Variants in NR5A2 observed in about 807,000 individuals in gnomAD.
NR5A2 encodes the protein CYP7A promoter-binding factor.
Under a neutral mutation model 62.7 loss-of-function variants are expected in NR5A2, and 26 were observed. The observed-to-expected ratio is 0.41, with a 90% CI of 0.30 to 0.58. NR5A2 has a LOEUF of 0.58. Ranked by LOEUF, NR5A2 falls within the 20% of genes least tolerant of loss-of-function variation. The probability of loss-of-function intolerance (pLI) is 0.22; values close to 1 mark genes in which losing one functional copy is unlikely to be tolerated. For synonymous variants in NR5A2, 246 were observed against 241.7 expected, an observed-to-expected ratio of 1.02 and a Z score of -0.16; for missense variants, 541 against 669.1, an observed-to-expected ratio of 0.81 and a Z score of 2.11.
chr1:200,038,860 C>A, intron 1 of NR5A2: 2 of 845,186 alleles, frequency 2.4e-6, no homozygotes, highest in Non-Finnish European at 1.6e-6. Flanking sequence ...TGGGGCAGGC[C>A]GGGGGACTGG....
At chr1:200,134,572 A>G (rs1482544930) in intron 7 of NR5A2, among the ~76,000 whole-genome samples, 1 of 152,160 alleles carries the variant, frequency 6.6e-6, no homozygotes, top group African/African-American at 2.4e-5. Flanking sequence ...ATGATCGCGC[A>G]ACGAAATCAC....
At chr1:200,133,576 CATATATATACACAT>C (rs1247118942) in intron 7 of NR5A2, among the ~76,000 whole-genome samples, 35 of 134,496 alleles carry the variant, frequency 2.6e-4, no homozygotes, top group African/African-American at 9.2e-4. Context: ...TATATATACA[CATATATATACACAT>C]ATATATATAT....
intron 5 of NR5A2, among the ~76,000 whole-genome samples, chr1:200,065,173 G>A (rs1663409964): frequency 6.6e-6 from 1 of 151,928 alleles, no homozygotes; most frequent in South Asian, 2.1e-4. Context: ...TTGAGACAGA[G>A]TCTCACTCTG....
chr1:200,086,407 T>G (rs2821318), intron 5 of NR5A2, among the ~76,000 whole-genome samples: 76,363 of 151,808 alleles, frequency 0.5, 19,292 homozygotes, highest in African/African-American at 0.56. Flanking sequence ...GGGTTCAAGC[T>G]ATTCTCCTGC....
intron 7 of NR5A2, among the ~76,000 whole-genome samples, chr1:200,161,022 G>T (rs1385967090): frequency 3.9e-5 from 6 of 151,954 alleles, no homozygotes; most frequent in African/African-American, 1.5e-4. Flanking sequence ...TCTGAGGGAG[G>T]GCTGCTCTTT....
intron 5 of NR5A2, among the ~76,000 whole-genome samples, chr1:200,077,077 C>T (rs72739197): frequency 0.071 from 10,779 of 152,202 alleles, 415 homozygotes; most frequent in Middle Eastern, 0.11. Context: ...ACTTTAGTGC[C>T]GTTTTTATAA....
intron 5 of NR5A2, among the ~76,000 whole-genome samples, chr1:200,098,864 G>A (rs1289949980): frequency 6.6e-6 from 1 of 152,124 alleles, no homozygotes; most frequent in Non-Finnish European, 1.5e-5. Flanking sequence ...TTAGGGCACT[G>A]GCATAAATAT....
At position 200,147,699 on chromosome 1, in the gene NR5A2, G is replaced by A. The variant is rs1403172940; in HGVS notation, c.1379-26264G>A. ...CATGGGTGGACTTGGGCTCCGAGGC[G>A]ATCTCCTCCAGCTCCTCCCTGAGCG... On this transcript the variant is annotated intron_variant, in intron 7 of 7. Coordinates refer to ENST00000367362, the MANE Select transcript of NR5A2 (RefSeq NM_205860.3). This position sits in a 1 kb window ranked among gnomAD's most constrained non-coding sequence, Gnocchi z 4.9. 1.2e-5 allele frequency: 8 copies of A among 674,112 alleles called. No individual in the cohort carries two copies. Among genetic ancestry groups the A allele is most frequent in the South Asian group, 1.4e-5 (1 of 69,920 alleles). The allele number at this position is 674,112 out of a possible 1,614,324, so 41.8% of individuals were successfully genotyped here.
chr1:200,050,134 G>A (rs1662558439), intron 5 of NR5A2, among the ~76,000 whole-genome samples: 1 of 152,204 alleles, frequency 6.6e-6, no homozygotes. Flanking sequence ...AATTAGGCCA[G>A]ATATTTTCCG....
intron 6 of NR5A2, among the ~76,000 whole-genome samples, chr1:200,119,332 TG>T (rs1197828813): frequency 6.6e-6 from 1 of 152,206 alleles, no homozygotes; most frequent in Non-Finnish European, 1.5e-5. Context: ...GGTAATGAAA[TG>T]TCAATAAATA....
At chr1:200,065,457 A>G (rs1448473750) in intron 5 of NR5A2, among the ~76,000 whole-genome samples, 1 of 152,122 alleles carries the variant, frequency 6.6e-6, no homozygotes, top group Non-Finnish European at 1.5e-5. Context: ...TTTTCTTTTT[A>G]ACCTTGAACT....
intron 5 of NR5A2, among the ~76,000 whole-genome samples, chr1:200,049,064 G>A (rs1051906116): frequency 5.3e-5 from 8 of 151,976 alleles, no homozygotes; most frequent in African/African-American, 1.7e-4. Context: ...TAGGAAACTC[G>A]GGCTTTTTTT....
intron 1 of NR5A2, among the ~76,000 whole-genome samples, chr1:200,028,437 A>AAAC (rs1661427848): frequency 6.6e-6 from 1 of 150,984 alleles, no homozygotes; most frequent in African/African-American, 2.4e-5. Flanking sequence ...AAAAAAAAAA[A>AAAC]AAAAAACCAA....
chr1:200,067,852 G>A (rs547907127), intron 5 of NR5A2, among the ~76,000 whole-genome samples: 2 of 152,244 alleles, frequency 1.3e-5, no homozygotes, highest in Non-Finnish European at 2.9e-5. Context: ...GGCTACGTAT[G>A]CAGAGAAATA....
intron 7 of NR5A2, among the ~76,000 whole-genome samples, chr1:200,133,516 TATATATATATACACACAC>T (rs1447945525): frequency 3.2e-4 from 36 of 112,168 alleles, no homozygotes; most frequent in African/African-American, 9.2e-4. Context: ...TATATATATA[TATATATATATACACACAC>T]ATATATATAT....
At chr1:200,044,981 A>T (rs750805314) in intron 3 of NR5A2, among the ~76,000 whole-genome samples, 2 of 97,104 alleles carry the variant, frequency 2.1e-5, no homozygotes, top group Non-Finnish European at 4.5e-5. Flanking sequence ...GACATTTGTT[A>T]AAAAAAAAAA....
chr1:200,149,392 T>G (rs1667886177), intron 7 of NR5A2, among the ~76,000 whole-genome samples: 1 of 152,202 alleles, frequency 6.6e-6, no homozygotes, highest in Non-Finnish European at 1.5e-5. Context: ...CTGGCTACCG[T>G]GTAGTTATGC....
At position 200,039,680 on chromosome 1, in the gene NR5A2, C is replaced by G. The variant is rs1398185759; in HGVS notation, c.87C>G (p.His29Gln). The change falls in exon 2 of 8, where the codon CAC (histidine) becomes CAG (glutamine). Residue 29 changes from histidine (H) to glutamine (Q), a missense_variant. By Grantham distance (24) the His-to-Gln change is conservative. Transcript: ENST00000367362. This position sits in a 1 kb window ranked among gnomAD's most constrained non-coding sequence, Gnocchi z 5.1. ...CAGGTGCTGGGCTTCCGGACCGACACGGATCCCCCATCCCCGCCCGCGGTC... is the reference window on the plus strand; with the variant it reads ...CAGGTGCTGGGCTTCCGGACCGACAGGGATCCCCCATCCCCGCCCGCGGTC... ...TPIGAGLPDR[H>Q]GSPIPARGRL... The G allele has an allele frequency of 1.2e-6, 2 of 1,610,778 alleles. No individual in the cohort carries two copies. The highest frequency in any genetic ancestry group is 1.7e-6 in the Non-Finnish European group (2 of 1,178,754).
chr1:200,073,254 ATATATATTCCCCTT>A (rs1225453753), intron 5 of NR5A2, among the ~76,000 whole-genome samples: 4 of 117,430 alleles, frequency 3.4e-5, no homozygotes, highest in Admixed American at 9.1e-5. Context: ...ATATATATAT[ATATATATTCCCCTT>A]TATATATATA....
Sources: allele counts gnomAD v4.1 joint callset (sites outside exome capture counted in the v4.1 genomes callset), GRCh38; gene constraint gnomAD v4.1.1; non-coding constraint Gnocchi (gnomAD v3.1); transcripts MANE v1.5; gene names NCBI Gene and HGNC (gene_info 2026-07-23, HGNC 2026-07-21).